Variants in GANC observed in about 807,000 individuals in gnomAD.
The protein encoded by GANC is glucosidase alpha, neutral C.
Under a neutral mutation model 124.2 loss-of-function variants are expected in GANC, and 117 were observed. The ratio of observed to expected loss-of-function variants is 0.94; its 90% CI spans 0.81 to 1.10. The LOEUF (loss-of-function observed/expected upper bound fraction) is 1.10, where lower values mean the gene tolerates loss of function less well. GANC is among the 50% of genes least tolerant of loss of function. The probability of loss-of-function intolerance (pLI) is 0.00; values close to 1 mark genes in which losing one functional copy is unlikely to be tolerated. For synonymous variants in GANC, 377 were observed against 376.8 expected (o/e 1.00, Z -0.01); for missense variants, 1,140 against 1,095.0 (o/e 1.04, Z -0.58).
In GANC at chr15:42,343,077, G is replaced by C. The variant is rs1295366895; in HGVS notation, c.2153-1G>C. On this transcript the variant is annotated splice_acceptor_variant, in intron 18 of 23. Coordinates refer to ENST00000318010, the MANE Select transcript of GANC (RefSeq NM_198141.3). LOFTEE classifies it high-confidence loss of function. ...AACTTTATTTCCTCTCCATTACTTAGGGAGTGCATTATTGGTTCATCCAGT... is the reference window on the plus strand; with the variant it reads ...AACTTTATTTCCTCTCCATTACTTACGGAGTGCATTATTGGTTCATCCAGT... 11 of 1,612,666 alleles carry C rather than the reference G, an allele frequency of 6.8e-6. No individual in the cohort carries two copies. Among genetic ancestry groups the C allele is most frequent in the Non-Finnish European group, 9.3e-6 (11 of 1,178,848 alleles).
At chr15:42,286,580 A>G (rs2051791262) in intron 3 of GANC, among the ~76,000 whole-genome samples, 1 of 152,250 alleles carries the variant, frequency 6.6e-6, no homozygotes, top group African/African-American at 2.4e-5. Flanking sequence ...CTATTGCATC[A>G]TAACCCTGCC....
chr15:42,285,810 A>G (rs1200595303), intron 3 of GANC, among the ~76,000 whole-genome samples: 2 of 152,198 alleles, frequency 1.3e-5, no homozygotes, highest in East Asian at 3.8e-4. Flanking sequence ...AAATAAATTT[A>G]AAGAAAGAAT....
rs758454765 is a variant in GANC at position 42,308,254 on chromosome 15, C to G, written c.658C>G (p.His220Asp). ...PSSIGLDFSLHGFEHLYGIPQ... is the reference protein window; with the variant it reads ...PSSIGLDFSLDGFEHLYGIPQ... Reference sequence around the variant, plus strand: ...TTCTATTGGTTTGGATTTCTCCTTGCATGGATTTGAGCATCTTTATGGGAT... The same window carrying G: ...TTCTATTGGTTTGGATTTCTCCTTGGATGGATTTGAGCATCTTTATGGGAT... Residue 220 changes from histidine (H) to aspartate (D), a missense_variant, in exon 8 of 24, where the codon CAT becomes GAT. Coordinates refer to ENST00000318010, the MANE Select transcript of GANC (RefSeq NM_198141.3). The G allele has an allele frequency of 1.2e-6, 2 of 1,609,062 alleles. No homozygotes were observed. The highest frequency in any genetic ancestry group is 8.5e-7 in the Non-Finnish European group (1 of 1,176,254).
At chr15:42,322,051 A>G in intron 11 of GANC, 31 bp downstream of exon 11, 3 of 1,550,442 alleles carry the variant, frequency 1.9e-6, no homozygotes, top group South Asian at 2.4e-5. Flanking sequence ...TGAACCTTTT[A>G]ATTACAGAGT....
chr15:42,300,550 A>G (rs986595315), intron 6 of GANC, among the ~76,000 whole-genome samples: 2 of 152,240 alleles, frequency 1.3e-5, no homozygotes, highest in African/African-American at 4.8e-5. Flanking sequence ...TGAGTCCTCA[A>G]GGGTCTAGAA....
In GANC at chr15:42,349,479, A is replaced by G. The variant is rs1490602683; in HGVS notation, c.2515A>G (p.Ser839Gly). The change falls in exon 22 of 24, where the codon AGT becomes GGT. Residue 839 changes from serine (S) to glycine (G), a missense_variant. Coordinates refer to ENST00000318010, the MANE Select transcript of GANC (RefSeq NM_198141.3). ...FLHRKFSFCSSVLINSFADQR... is the reference protein window; with the variant it reads ...FLHRKFSFCSGVLINSFADQR... Reference sequence around the variant, plus strand: ...GCACAGGAAGTTTTCATTCTGTTCCAGTGTTCTGATCAATAGGTAATGGCA... The same window carrying G: ...GCACAGGAAGTTTTCATTCTGTTCCGGTGTTCTGATCAATAGGTAATGGCA... The G allele has an allele frequency of 1.4e-5, 23 of 1,606,454 alleles. No individual in the cohort carries two copies. The Admixed American group carries it at 3.8e-4, about 27-fold the overall frequency.
intron 14 of GANC, 192 bp downstream of exon 14, chr15:42,329,641 T>C (rs935794911): frequency 6.5e-6 from 3 of 464,444 alleles, no homozygotes; most frequent in Admixed American, 7.8e-5. Context: ...TTCTTTTCTT[T>C]TCATGATGAA....
chr15:42,287,974 T>A (rs557719340), intron 4 of GANC, among the ~76,000 whole-genome samples, 156 bp downstream of exon 4: 9 of 152,352 alleles, frequency 5.9e-5, no homozygotes, highest in African/African-American at 1.9e-4. Context: ...TTGCCATTAC[T>A]TTTAATGTAT....
intron 10 of GANC, among the ~76,000 whole-genome samples, chr15:42,319,602 C>T (rs2052139821): frequency 1.3e-5 from 2 of 152,194 alleles, no homozygotes; most frequent in East Asian, 3.9e-4. Flanking sequence ...TCAAGCAATC[C>T]TCCTGCCTTA....
intron 5 of GANC, among the ~76,000 whole-genome samples, chr15:42,293,934 C>T (rs1057366460): frequency 6.6e-6 from 1 of 151,352 alleles, no homozygotes; most frequent in Non-Finnish European, 1.5e-5. Context: ...GCCTGTAGTC[C>T]CAGTTACTTG....
At position 42,322,378 on chromosome 15, in the gene GANC, C is replaced by T. The variant is rs114925325; in HGVS notation, c.1293+358C>T. Among the ~76,000 whole-genome samples, 338 of 152,276 alleles carry T rather than the reference C, an allele frequency of 2.2e-3. 1 individual carries two copies. The highest frequency in any genetic ancestry group is 7.9e-3 in the African/African-American group (327 of 41,540). ...AGAGTATATTAAAAAGTTTATTACT[C>T]ATATAATGAGGCTTTCTGGGGAGAG... On this transcript the variant is annotated intron_variant, in intron 11 of 23. Transcript: ENST00000318010.
Position 42,345,415 on chromosome 15 carries a change from A to G in GANC, c.2230-343A>G, listed in dbSNP as rs567327806. 3.1e-3 allele frequency among the ~76,000 whole-genome samples: 479 copies of G among 152,218 alleles called. 1 individual carries two copies. Among genetic ancestry groups the G allele is most frequent in the African/African-American group, 0.011 (444 of 41,534 alleles). ...GAAGCATTAAGTTTTTATAAGCCAAATGGACTATAAGATCCATGAGGACAG... is the reference window on the plus strand; with the variant it reads ...GAAGCATTAAGTTTTTATAAGCCAAGTGGACTATAAGATCCATGAGGACAG... On this transcript the variant is annotated intron_variant, in intron 19 of 23. Coordinates refer to ENST00000318010, the MANE Select transcript of GANC (RefSeq NM_198141.3).
chr15:42,342,493 G>A (rs2052334914), intron 18 of GANC, among the ~76,000 whole-genome samples: 1 of 152,084 alleles, frequency 6.6e-6, no homozygotes, highest in Admixed American at 6.6e-5. Flanking sequence ...GAGGCTGGAG[G>A]ATTACATGAG....
intron 10 of GANC, among the ~76,000 whole-genome samples, chr15:42,312,811 C>T (rs956398255): frequency 6.6e-6 from 1 of 151,840 alleles, no homozygotes; most frequent in African/African-American, 2.4e-5. Context: ...TGGTGGTGGG[C>T]TGTAATCCAG....
At chr15:42,343,334 G>T in intron 19 of GANC, 180 bp downstream of exon 19, 1 of 579,448 alleles carries the variant, frequency 1.7e-6, no homozygotes, top group Non-Finnish European at 3.1e-6. Flanking sequence ...ATGGAGGAGA[G>T]GAGGGAGAAA....
At chr15:42,283,549 A>T (rs1384851244) in intron 3 of GANC, 1 of 666,020 alleles carries the variant, frequency 1.5e-6, no homozygotes, top group Non-Finnish European at 2.7e-6. Context: ...TTATATTGCT[A>T]ATTATGATGC....
At chr15:42,328,486 CAT>C (rs1430515754) in intron 13 of GANC, among the ~76,000 whole-genome samples, 2 of 144,652 alleles carry the variant, frequency 1.4e-5, no homozygotes, top group South Asian at 2.2e-4. Flanking sequence ...GAAGAACACA[CAT>C]GTTTAGAAAT....
intron 10 of GANC, among the ~76,000 whole-genome samples, chr15:42,318,651 A>G (rs747622478): frequency 7.2e-5 from 11 of 152,116 alleles, no homozygotes; most frequent in Non-Finnish European, 1.6e-4. Context: ...CAGTGGTGTG[A>G]TCATGGTTCA....
At chr15:42,337,798 A>T (rs190988976) in intron 15 of GANC, among the ~76,000 whole-genome samples, 160 of 152,354 alleles carry the variant, frequency 1.1e-3, no homozygotes, top group Admixed American at 3.0e-3. Flanking sequence ...ATGGTGGCTC[A>T]CGCCTATAAT....
Sources: gnomAD v4.1 joint callset for allele counts (sites outside exome capture counted in the v4.1 genomes callset) on GRCh38, gnomAD v4.1.1 for gene constraint, MANE v1.5 for transcripts, NCBI Gene and HGNC (gene_info 2026-07-23, HGNC 2026-07-21) for gene names.